Variants in AVEN observed in about 807,000 individuals in gnomAD.
AVEN encodes apoptosis and caspase activation inhibitor.
Under a neutral mutation model 38.1 loss-of-function variants are expected in AVEN, and 41 were observed. That is an observed-to-expected ratio of 1.08 (90% confidence interval 0.84 to 1.40). AVEN has a LOEUF of 1.40. AVEN is among the 40% of genes most tolerant of loss of function. The probability of loss-of-function intolerance (pLI) is 0.00; values close to 1 mark genes in which losing one functional copy is unlikely to be tolerated. For synonymous variants in AVEN, 206 were observed against 171.8 expected (o/e 1.20, Z -1.56); for missense variants, 605 against 438.8 (o/e 1.38, Z -3.38).
intron 1 of AVEN, among the ~76,000 whole-genome samples, chr15:34,006,458 G>GTATAAAACC (rs1416099264): frequency 6.6e-6 from 1 of 152,198 alleles, no homozygotes; most frequent in Non-Finnish European, 1.5e-5. Context: ...TCTCCAGTCA[G>GTATAAAACC]TATAAAACCT....
chr15:34,021,054 CTT>C (rs1898178765), intron 1 of AVEN, among the ~76,000 whole-genome samples: 1 of 152,214 alleles, frequency 6.6e-6, no homozygotes, highest in African/African-American at 2.4e-5. Flanking sequence ...GCTTCTCTAG[CTT>C]TCCAGCATCT....
chr15:33,959,050 T>C (rs1375865302), intron 2 of AVEN, among the ~76,000 whole-genome samples: 1 of 152,196 alleles, frequency 6.6e-6, no homozygotes, highest in Non-Finnish European at 1.5e-5. Flanking sequence ...TTTCCCAATA[T>C]GCCAAGCATA....
At chr15:33,944,580 C>T (rs1298014650) in intron 2 of AVEN, among the ~76,000 whole-genome samples, 7 of 152,214 alleles carry the variant, frequency 4.6e-5, no homozygotes, top group Middle Eastern at 3.4e-3. Context: ...GAGGCCGAGG[C>T]GGGTGGATCA....
At chr15:34,053,319 A>AAAAATATATATATATATATAT (rs775436850) in intron 5 of AVEN, among the ~76,000 whole-genome samples, 1 of 42,100 alleles carries the variant, frequency 2.4e-5, no homozygotes, top group African/African-American at 8.0e-5. Flanking sequence ...AAAAAAAAAA[A>AAAAATATATATATATATATAT]ATATATATAT....
At chr15:33,863,702 T>C (rs1422774723), downstream of AVEN, among the ~76,000 whole-genome samples, 1 of 152,182 alleles carries the variant, frequency 6.6e-6, no homozygotes, top group Non-Finnish European at 1.5e-5. Flanking sequence ...TTAAATACTT[T>C]CTAACTTTTC....
chr15:33,998,906 C>T (rs571883457), intron 2 of AVEN, among the ~76,000 whole-genome samples: 28 of 152,298 alleles, frequency 1.8e-4, no homozygotes, highest in Middle Eastern at 3.4e-3. Context: ...TACATTCTCA[C>T]GACTTTAAAT....
downstream of AVEN, chr15:33,864,085 A>G (rs895550727): frequency 1.5e-5 from 20 of 1,368,040 alleles, no homozygotes; most frequent in East Asian, 2.3e-4. Flanking sequence ...AATCCATGCG[A>G]ATGAACTTGG....
intron 2 of AVEN, among the ~76,000 whole-genome samples, chr15:33,946,531 T>C (rs1217404949): frequency 6.6e-6 from 1 of 152,218 alleles, no homozygotes; most frequent in Non-Finnish European, 1.5e-5. Context: ...CCTGCCCTCA[T>C]GGAACTTACA....
At chr15:33,978,002 G>GAGGA (rs1343060616) in intron 2 of AVEN, among the ~76,000 whole-genome samples, 30 of 141,316 alleles carry the variant, frequency 2.1e-4, no homozygotes, top group Non-Finnish European at 6.2e-5. Flanking sequence ...AAAAGGAAGA[G>GAGGA]AGGAAGGGAG....
At chr15:34,037,000 T>C (rs1187587320) in intron 1 of AVEN, among the ~76,000 whole-genome samples, 4 of 151,946 alleles carry the variant, frequency 2.6e-5, no homozygotes, top group Admixed American at 6.6e-5. Context: ...TCCCAGCTAC[T>C]TGGGAGGCTG....
chr15:34,073,519 C>CT (rs10617421), intron 1 of AVEN, among the ~76,000 whole-genome samples: 13 of 88,498 alleles, frequency 1.5e-4, no homozygotes, highest in African/African-American at 5.1e-4. Context: ...TTTCTTTTTT[C>CT]TTTTTTTTTT....
At chr15:33,915,367 AG>A (rs1407915959) in intron 2 of AVEN, among the ~76,000 whole-genome samples, 2 of 152,196 alleles carry the variant, frequency 1.3e-5, no homozygotes, top group Non-Finnish European at 2.9e-5. Flanking sequence ...AAAGTGTGAA[AG>A]GGGGATCATC....
downstream of AVEN, chr15:33,854,522 G>A: frequency 7.6e-7 from 1 of 1,307,530 alleles, no homozygotes; most frequent in Non-Finnish European, 1.1e-6. Context: ...AAGCTATGCA[G>A]GATGCTCAGA....
chr15:34,057,196 T>C (rs1176654261), intron 5 of AVEN, among the ~76,000 whole-genome samples: 1 of 151,408 alleles, frequency 6.6e-6, no homozygotes, highest in Non-Finnish European at 1.5e-5. Flanking sequence ...TGCAGTCGCA[T>C]GATCTTGGCT....
chr15:33,854,983 T>C, downstream of AVEN: 1 of 1,438,382 alleles, frequency 7.0e-7, no homozygotes, highest in East Asian at 2.3e-5. Context: ...GCAGGTAGTA[T>C]ACAGTATATG....
chr15:34,062,520 A>G (rs1284121353), intron 5 of AVEN: 1 of 541,504 alleles, frequency 1.8e-6, no homozygotes, highest in Non-Finnish European at 3.1e-6. Flanking sequence ...GCACCACTGC[A>G]CTCCAGCCTG....
At position 33,870,940 on chromosome 15, in the gene AVEN, C is replaced by G. The variant is rs756605576; in HGVS notation, c.607G>C (p.Val203Leu). Residue 203 changes from valine to leucine, a missense_variant, in exon 4 of 6, where the codon GTC becomes CTC. Val to Leu is a conservative substitution (Grantham distance 32). Coordinates refer to ENST00000306730, the MANE Select transcript of AVEN (RefSeq NM_020371.3). ...CLRLNVAAEL[V>L]QGTVPLEVPQ... is the part of the protein sequence containing the mutation. ...GAGGGCTTCGGGATTTTTACCTGGA[C>G]CAGTTCGGCAGCAACGTTGAGTCGG... 68 of 1,610,496 alleles carry G rather than the reference C, an allele frequency of 4.2e-5. No individual in the cohort carries two copies. Among genetic ancestry groups the G allele is most frequent in the Non-Finnish European group, 1.8e-5 (21 of 1,177,870 alleles).
intron 1 of AVEN, among the ~76,000 whole-genome samples, chr15:34,013,506 C>A (rs1174609936): frequency 6.6e-6 from 1 of 152,226 alleles, no homozygotes; most frequent in Non-Finnish European, 1.5e-5. Flanking sequence ...GCTACTTTTG[C>A]TCCTTGCACC....
intron 1 of AVEN, among the ~76,000 whole-genome samples, chr15:34,017,527 G>A (rs1897986243): frequency 7.6e-6 from 1 of 131,654 alleles, no homozygotes; most frequent in South Asian, 2.4e-4. Flanking sequence ...ATGTCATCCA[G>A]GCCGGAGTGC....
Sources: allele counts gnomAD v4.1 joint callset (sites outside exome capture counted in the v4.1 genomes callset), GRCh38; gene constraint gnomAD v4.1.1; transcripts MANE v1.5; gene names NCBI Gene and HGNC (gene_info 2026-07-23, HGNC 2026-07-21).